The following TNFAIP8 variants were observed in gnomAD, a reference collection of about 807,000 sequenced individuals.
The protein encoded by TNFAIP8 is tumor necrosis factor alpha-induced protein 8.
In TNFAIP8, 7 loss-of-function variants were observed where a neutral mutation model predicts 13.3. The ratio of observed to expected loss-of-function variants is 0.52; its 90% CI spans 0.30 to 0.99. TNFAIP8 has a LOEUF of 0.99. Ranked by LOEUF, TNFAIP8 falls within the 50% of genes least tolerant of loss-of-function variation. The pLI is 0.07. For missense variants in TNFAIP8, 258 were observed against 236.9 expected, an observed-to-expected ratio of 1.09 and a Z score of -0.58; for synonymous variants, 94 against 87.6, an observed-to-expected ratio of 1.07 and a Z score of -0.41.
intron 1 of TNFAIP8, chr5:119,391,236 C>T (rs1752878798): frequency 1.1e-5 from 6 of 545,294 alleles, no homozygotes; most frequent in Middle Eastern, 5.7e-4. Context: ...TTTTTGCTTC[C>T]TAATGATGCT....
intron 1 of TNFAIP8, among the ~76,000 whole-genome samples, chr5:119,309,624 C>T (rs1029904096): frequency 6.6e-6 from 1 of 152,132 alleles, no homozygotes; most frequent in Admixed American, 6.5e-5. Flanking sequence ...TGCACGTGAT[C>T]GAAGCATCGG....
intron 1 of TNFAIP8, among the ~76,000 whole-genome samples, chr5:119,368,233 T>C (rs1751937836): frequency 6.6e-6 from 1 of 152,192 alleles, no homozygotes; most frequent in South Asian, 2.1e-4. Context: ...CTTAGCAACT[T>C]GGGAAGAATC....
At chr5:119,355,810 C>A, upstream of TNFAIP8, 1 of 769,784 alleles carries the variant, frequency 1.3e-6, no homozygotes, top group Non-Finnish European at 1.6e-6. Context: ...CGGGCCGAGC[C>A]AGCCCCGCCA....
chr5:119,357,966 G>C (rs1751496802), intron 1 of TNFAIP8, among the ~76,000 whole-genome samples: 1 of 152,090 alleles, frequency 6.6e-6, no homozygotes, highest in South Asian at 2.1e-4. Flanking sequence ...TTTCTCCAAG[G>C]CTGGTTCATT....
At position 119,396,389 on chromosome 5, in the gene TNFAIP8, G is replaced by A. The variant is rs772471148; in HGVS notation, c.*3008G>A. ...ATCTTGTGGCTCAGTTTTCTGTCTC[G>A]TGGAACTTCACTTCTAGGTGCTCAC... On this transcript the variant is annotated 3_prime_UTR_variant, in exon 2 of 2. Transcript: ENST00000504771. 3.3e-5 allele frequency: 5 copies of A among 152,136 alleles called. No homozygotes were observed. The highest frequency in any genetic ancestry group is 7.2e-5 in the African/African-American group (3 of 41,416). 9.4% of individuals were successfully genotyped at this position (152,136 alleles called of 1,614,324 possible).
upstream of TNFAIP8, among the ~76,000 whole-genome samples, chr5:119,351,060 G>A (rs376390847): frequency 1.3e-5 from 2 of 150,944 alleles, no homozygotes; most frequent in Admixed American, 1.3e-4. Context: ...GTCTCACTCT[G>A]TTGCCCAGGC....
intron 1 of TNFAIP8, among the ~76,000 whole-genome samples, chr5:119,292,060 T>TC (rs1749005237): frequency 6.6e-6 from 1 of 152,146 alleles, no homozygotes; most frequent in Admixed American, 6.5e-5. Context: ...ATTGATTTGC[T>TC]CACAGAATGC....
chr5:119,375,599 CT>C (rs1268982578), intron 1 of TNFAIP8, among the ~76,000 whole-genome samples: 3 of 152,018 alleles, frequency 2.0e-5, no homozygotes, highest in African/African-American at 7.2e-5. Flanking sequence ...CTATAATGAT[CT>C]TTTTAGTTAT....
intron 1 of TNFAIP8, among the ~76,000 whole-genome samples, chr5:119,282,427 T>A (rs1228249204): frequency 6.6e-6 from 1 of 152,218 alleles, no homozygotes; most frequent in African/African-American, 2.4e-5. Context: ...GCCTTTGTGC[T>A]CCTTGAAACG....
chr5:119,302,516 T>G lies in TNFAIP8; in HGVS notation c.1+33609T>G, dbSNP rs937219458. On this transcript the variant is annotated intron_variant, in intron 1 of 1. Transcript: ENST00000274456. ...GGAAGGATGTTTTGAAAATGATTTA[T>G]TTTTCTCTTGAGAATTGGCTCTGCT... Among the ~76,000 whole-genome samples, 6 of 152,212 alleles carry G rather than the reference T, an allele frequency of 3.9e-5. 1 individual carries two copies. Among genetic ancestry groups the G allele is most frequent in the Admixed American group, 3.9e-4 (6 of 15,286 alleles).
chr5:119,301,695 A>G (rs1403188718), intron 1 of TNFAIP8, among the ~76,000 whole-genome samples: 2 of 152,258 alleles, frequency 1.3e-5, no homozygotes, highest in African/African-American at 4.8e-5. Flanking sequence ...TCTTAAAGAT[A>G]GAAAATAAAA....
At chr5:119,279,538 A>G (rs1384523176) in intron 1 of TNFAIP8, among the ~76,000 whole-genome samples, 1 of 152,176 alleles carries the variant, frequency 6.6e-6, no homozygotes, top group African/African-American at 2.4e-5. Context: ...GTAGATATCT[A>G]AGAGGTTATT....
At chr5:119,283,720 G>A (rs924708767) in intron 1 of TNFAIP8, among the ~76,000 whole-genome samples, 1 of 151,976 alleles carries the variant, frequency 6.6e-6, no homozygotes, top group African/African-American at 2.4e-5. Context: ...CTCTGCTGTG[G>A]CTGGGCCTGT....
At chr5:119,385,702 T>A (rs1335310393) in intron 1 of TNFAIP8, among the ~76,000 whole-genome samples, 1 of 152,242 alleles carries the variant, frequency 6.6e-6, no homozygotes, top group Non-Finnish European at 1.5e-5. Context: ...CTGAACTATG[T>A]GAGGTCTCCG....
At chr5:119,329,620 C>T (rs868164563) in intron 1 of TNFAIP8, among the ~76,000 whole-genome samples, 3 of 152,202 alleles carry the variant, frequency 2.0e-5, no homozygotes, top group African/African-American at 4.8e-5. Flanking sequence ...GATGTAGGCT[C>T]ATATCCCAGC....
intron 1 of TNFAIP8, among the ~76,000 whole-genome samples, chr5:119,368,215 G>T (rs192200362): frequency 5.9e-5 from 9 of 152,204 alleles, no homozygotes; most frequent in African/African-American, 1.9e-4. Context: ...TCATTTGTCA[G>T]GTAGTCACTT....
intron 1 of TNFAIP8, among the ~76,000 whole-genome samples, chr5:119,276,402 G>A (rs766949165): frequency 7.2e-5 from 11 of 152,130 alleles, no homozygotes; most frequent in African/African-American, 2.7e-4. Context: ...ACAGGCTTGA[G>A]CCACCGCACC....
chr5:119,397,039 C>T lies in TNFAIP8; in HGVS notation c.*3658C>T, dbSNP rs952883810. On this transcript the variant is annotated 3_prime_UTR_variant, in exon 2 of 2. Coordinates refer to ENST00000504771, the MANE Select transcript of TNFAIP8 (RefSeq NM_014350.4). ...AAAAGCATGAGTTAAGAACTTTGAT[C>T]GTACAGAAATATTGCGTTTTAAACT... The T allele has an allele frequency of 2.1e-5, 3 of 145,916 alleles. No individual in the cohort carries two copies. Among genetic ancestry groups the T allele is most frequent in the South Asian group, 2.2e-4 (1 of 4,600 alleles). The allele number at this position is 145,916 out of a possible 1,614,324, so 9.0% of individuals were successfully genotyped here. A position where few individuals can be genotyped will look rare whatever the true frequency, so the allele number is the denominator to read the frequency against.
chr5:119,321,907 A>G (rs1018942466), intron 1 of TNFAIP8, among the ~76,000 whole-genome samples: 2 of 151,998 alleles, frequency 1.3e-5, no homozygotes, highest in African/African-American at 2.4e-5. Flanking sequence ...CCTCTGCCCA[A>G]TTCTGCTACC....
Sources: gnomAD v4.1 joint callset for allele counts (sites outside exome capture counted in the v4.1 genomes callset) on GRCh38, gnomAD v4.1.1 for gene constraint, MANE v1.5 for transcripts, NCBI Gene and HGNC (gene_info 2026-07-23, HGNC 2026-07-21) for gene names.